COG5: variants seen among roughly 807,000 people sequenced by gnomAD.
COG5 encodes the protein component of oligomeric golgi complex 5.
Under a neutral mutation model 110.4 loss-of-function variants are expected in COG5, and 86 were observed. The observed-to-expected ratio is 0.78, with a 90% CI of 0.65 to 0.93. The LOEUF is 0.93. Among genes scored for constraint, COG5 ranks in the 40% least tolerant of loss-of-function variants. The probability of loss-of-function intolerance (pLI) is 0.00; values close to 1 mark genes in which losing one functional copy is unlikely to be tolerated. For missense variants in COG5, 1,077 were observed against 987.0 expected (o/e 1.09, Z -1.22); for synonymous variants, 360 against 334.6 (o/e 1.08, Z -0.83).
At chr7:107,320,651 AAAG>A (rs1809181506) in intron 11 of COG5, among the ~76,000 whole-genome samples, 1 of 152,190 alleles carries the variant, frequency 6.6e-6, no homozygotes, top group Non-Finnish European at 1.5e-5. Context: ...TTGGTCAGTA[AAAG>A]AAGATCTATT....
chr7:107,424,065 G>A (rs1463728462), intron 6 of COG5, among the ~76,000 whole-genome samples: 1 of 151,976 alleles, frequency 6.6e-6, no homozygotes, highest in Admixed American at 6.6e-5. Context: ...CCGAGCTCAC[G>A]AGTTTGAGAC....
At chr7:107,273,814 A>G (rs1187844477) in intron 14 of COG5, among the ~76,000 whole-genome samples, 1 of 152,232 alleles carries the variant, frequency 6.6e-6, no homozygotes, top group East Asian at 1.9e-4. Flanking sequence ...GGAATGAAGA[A>G]AAAAAATTTT....
chr7:107,344,821 G>C (rs1264285149), intron 10 of COG5, among the ~76,000 whole-genome samples: 1 of 152,174 alleles, frequency 6.6e-6, no homozygotes, highest in Non-Finnish European at 1.5e-5. Context: ...ACCGCGCCTG[G>C]CCGACTGTTT....
At chr7:107,401,581 T>C (rs1050063288) in intron 7 of COG5, among the ~76,000 whole-genome samples, 1 of 152,190 alleles carries the variant, frequency 6.6e-6, no homozygotes, top group Non-Finnish European at 1.5e-5. Flanking sequence ...ACGCGAGCTC[T>C]TACTACATTC....
At chr7:107,406,236 C>A (rs1791826856) in intron 7 of COG5, among the ~76,000 whole-genome samples, 1 of 152,128 alleles carries the variant, frequency 6.6e-6, no homozygotes, top group Non-Finnish European at 1.5e-5. Flanking sequence ...CTGAGACATA[C>A]AACAAAATTA....
intron 7 of COG5, among the ~76,000 whole-genome samples, chr7:107,394,442 A>G (rs901180866): frequency 3.9e-5 from 6 of 152,218 alleles, no homozygotes; most frequent in African/African-American, 1.2e-4. Flanking sequence ...CTGTAGCATT[A>G]CATGGGAGGA....
At chr7:107,557,655 T>C (rs1019918602) in intron 2 of COG5, among the ~76,000 whole-genome samples, 2 of 152,244 alleles carry the variant, frequency 1.3e-5, no homozygotes, top group Admixed American at 6.5e-5. Flanking sequence ...TTCTTATTCA[T>C]ATTGTTTTAC....
chr7:107,490,966 TG>T (rs1797941161), intron 6 of COG5, among the ~76,000 whole-genome samples: 1 of 152,142 alleles, frequency 6.6e-6, no homozygotes, highest in Non-Finnish European at 1.5e-5. Context: ...AGCCTCCATG[TG>T]CCCATTCAAC....
Position 107,557,890 on chromosome 7 carries a change from T to C in COG5, c.234+86A>G. On this transcript the variant is annotated intron_variant, in intron 2 of 21. Coordinates refer to ENST00000297135, the MANE Select transcript of COG5 (RefSeq NM_006348.5). Reference sequence around the variant, plus strand: ...AAGTATGTACTTCTTCATGTAAATATGCATTTGTATTTAATAAGATTACAA... The same window carrying C: ...AAGTATGTACTTCTTCATGTAAATACGCATTTGTATTTAATAAGATTACAA... 1.1e-5 allele frequency: 16 copies of C among 1,464,186 alleles called. No individual in the cohort carries two copies. In the South Asian group the frequency reaches 1.5e-4, roughly 14 times the overall value. 90.7% of individuals were successfully genotyped at this position (1,464,186 alleles called of 1,614,324 possible).
intron 11 of COG5, among the ~76,000 whole-genome samples, chr7:107,309,666 A>G (rs1376914939): frequency 6.6e-6 from 1 of 152,234 alleles, no homozygotes; most frequent in African/African-American, 2.4e-5. Flanking sequence ...GGCATCAAAT[A>G]AGCAGAAAGT....
At chr7:107,259,672 C>T (rs372392077) in intron 14 of COG5, among the ~76,000 whole-genome samples, 2 of 152,234 alleles carry the variant, frequency 1.3e-5, no homozygotes, top group East Asian at 3.9e-4. Flanking sequence ...TTTAAAAAAT[C>T]CAACCTCTCT....
At chr7:107,392,653 T>A (rs1225642291) in intron 7 of COG5, among the ~76,000 whole-genome samples, 1 of 146,504 alleles carries the variant, frequency 6.8e-6, no homozygotes, top group Non-Finnish European at 1.5e-5. Flanking sequence ...CACTAATTCA[T>A]GAGGGAAAGA....
At chr7:107,335,342 A>G (rs988899536) in intron 10 of COG5, among the ~76,000 whole-genome samples, 6 of 152,324 alleles carry the variant, frequency 3.9e-5, no homozygotes, top group Admixed American at 2.6e-4. Flanking sequence ...GTGAGCTGAC[A>G]TCGCACCACT....
chr7:107,459,449 G>C (rs1382288129), intron 6 of COG5, among the ~76,000 whole-genome samples: 2 of 151,488 alleles, frequency 1.3e-5, no homozygotes. Context: ...TTATAGGCAA[G>C]GATTTCACAA....
intron 5 of COG5, among the ~76,000 whole-genome samples, chr7:107,543,630 C>T (rs1802211516): frequency 6.6e-6 from 1 of 152,154 alleles, no homozygotes; most frequent in South Asian, 2.1e-4. Flanking sequence ...CTCAGACTTC[C>T]AGCACCAGGC....
intron 7 of COG5, among the ~76,000 whole-genome samples, chr7:107,375,598 A>T (rs190487947): frequency 7.4e-4 from 112 of 152,152 alleles, no homozygotes; most frequent in African/African-American, 2.6e-3. Context: ...TGACTAAAAA[A>T]CTGAATACTT....
intron 6 of COG5, among the ~76,000 whole-genome samples, chr7:107,458,855 T>C (rs1795818146): frequency 6.6e-6 from 1 of 151,960 alleles, no homozygotes; most frequent in South Asian, 2.1e-4. Flanking sequence ...TGAGAATTCA[T>C]GTATTTCATG....
intron 7 of COG5, among the ~76,000 whole-genome samples, chr7:107,377,638 C>T (rs1814745505): frequency 6.6e-6 from 1 of 152,136 alleles, no homozygotes; most frequent in South Asian, 2.1e-4. Flanking sequence ...GCAGTCAAAA[C>T]CTAAAGGCAA....
chr7:107,209,852 G>A (rs1465165122), intron 21 of COG5: 2 of 985,546 alleles, frequency 2.0e-6, no homozygotes, highest in African/African-American at 3.5e-5. Context: ...TGTAGCTAAA[G>A]CTACAGAGTG....
Sources: allele counts gnomAD v4.1 joint callset (sites outside exome capture counted in the v4.1 genomes callset), GRCh38; gene constraint gnomAD v4.1.1; transcripts MANE v1.5; gene names NCBI Gene and HGNC (gene_info 2026-07-23, HGNC 2026-07-21).